Variants in DCC observed in about 807,000 individuals in gnomAD.
DCC encodes the protein DCC netrin 1 receptor.
DCC carries 58 observed loss-of-function variants against 172.5 expected under a neutral mutation model. The ratio of observed to expected loss-of-function variants is 0.34; its 90% CI spans 0.27 to 0.42. The LOEUF (loss-of-function observed/expected upper bound fraction) is 0.42. DCC is among the 10% of genes least tolerant of loss of function. The pLI, the probability that DCC is intolerant of heterozygous loss-of-function variation, is 1.00. For synonymous variants in DCC, 709 were observed against 644.5 expected (o/e 1.10, Z -1.52); for missense variants, 1,740 against 1,791.0 (o/e 0.97, Z 0.51).
chr18:53,358,057 AT>A (rs1396587515), intron 15 of DCC, among the ~76,000 whole-genome samples: 1 of 152,038 alleles, frequency 6.6e-6, no homozygotes, highest in African/African-American at 2.4e-5. Context: ...AATGCTTCTT[AT>A]TTATGTTGTT....
chr18:53,457,810 T>C (rs2045501959), intron 23 of DCC, among the ~76,000 whole-genome samples: 1 of 152,136 alleles, frequency 6.6e-6, no homozygotes, highest in Non-Finnish European at 1.5e-5. Flanking sequence ...AAAGTGCAGG[T>C]AGTGTTATTT....
chr18:53,163,418 A>G (rs1398330738), intron 8 of DCC, among the ~76,000 whole-genome samples: 1 of 152,240 alleles, frequency 6.6e-6, no homozygotes, highest in Non-Finnish European at 1.5e-5. Flanking sequence ...AACTAGAGCC[A>G]TAAAATATGC....
rs187238894 is a variant in DCC at position 52,370,085 on chromosome 18, A to C, written c.91+29207A>C. 5.7e-3 allele frequency among the ~76,000 whole-genome samples: 867 copies of C among 151,948 alleles called. 5 individuals are homozygous for C. The highest frequency in any genetic ancestry group is 9.8e-3 in the Non-Finnish European group (664 of 67,992). The stretch of plus-strand genomic sequence containing the variant: ...AGCATTTCATTTTCTCTGCAACCTC[A>C]CCAGCATCTGTTGTTTCTTGATTTT... On this transcript the variant is annotated intron_variant, in intron 1 of 28. Coordinates refer to ENST00000442544, the MANE Select transcript of DCC (RefSeq NM_005215.4).
In DCC at chr18:53,343,624, A is replaced by G. The variant is rs188337661; in HGVS notation, c.2359+3717A>G. On this transcript the variant is annotated intron_variant, in intron 15 of 28. Transcript: ENST00000442544. The stretch of plus-strand genomic sequence containing the variant: ...TATTTGTCTACAATTTTCTTTTCCT[A>G]TAGTGTCTATATACTGTTTCTCTTT... 1.3e-3 allele frequency among the ~76,000 whole-genome samples: 193 copies of G among 151,986 alleles called. 2 individuals carry two copies. Among genetic ancestry groups the G allele is most frequent in the Non-Finnish European group, 4.0e-4 (27 of 67,856 alleles).
intron 23 of DCC, among the ~76,000 whole-genome samples, chr18:53,456,859 C>T (rs2045489365): frequency 1.3e-5 from 2 of 152,286 alleles, no homozygotes; most frequent in African/African-American, 2.4e-5. Flanking sequence ...CAGGGTGACA[C>T]CTGTTCCTAT....
chr18:53,528,811 C>G (rs936870148), intron 28 of DCC, among the ~76,000 whole-genome samples: 2 of 151,746 alleles, frequency 1.3e-5, no homozygotes, highest in African/African-American at 4.8e-5. Flanking sequence ...TTGTACTGTT[C>G]CAAAACTGGT....
At chr18:52,746,379 G>A (rs927565520) in intron 1 of DCC, among the ~76,000 whole-genome samples, 1 of 152,064 alleles carries the variant, frequency 6.6e-6, no homozygotes, top group African/African-American at 2.4e-5. Flanking sequence ...AATCTTGTAG[G>A]AGCTTTTTTC....
chr18:52,917,398 A>G (rs1309687570), intron 3 of DCC, among the ~76,000 whole-genome samples: 3 of 152,178 alleles, frequency 2.0e-5, no homozygotes, highest in African/African-American at 7.2e-5. Context: ...ATTTGTTGCT[A>G]TATCCTGTAT....
intron 1 of DCC, among the ~76,000 whole-genome samples, chr18:52,519,223 C>T (rs1438902390): frequency 6.6e-5 from 10 of 152,148 alleles, no homozygotes; most frequent in Non-Finnish European, 1.5e-4. Flanking sequence ...CTTTCTGAAG[C>T]TCAGTTTACA....
At chr18:52,659,203 A>C (rs2035311995) in intron 1 of DCC, among the ~76,000 whole-genome samples, 1 of 152,198 alleles carries the variant, frequency 6.6e-6, no homozygotes, top group African/African-American at 2.4e-5. Context: ...TACTAGATTT[A>C]TCCATGATGT....
intron 2 of DCC, among the ~76,000 whole-genome samples, chr18:52,857,268 T>C (rs2039070006): frequency 1.3e-5 from 2 of 152,248 alleles, no homozygotes; most frequent in South Asian, 4.1e-4. Flanking sequence ...GGTAACATTT[T>C]GCTATCCTTG....
At chr18:52,504,668 A>G (rs948364651) in intron 1 of DCC, among the ~76,000 whole-genome samples, 10 of 152,092 alleles carry the variant, frequency 6.6e-5, no homozygotes, top group African/African-American at 2.4e-4. Context: ...CAGAAGTGGG[A>G]TATCTCAAAA....
intron 23 of DCC, among the ~76,000 whole-genome samples, chr18:53,453,061 G>A (rs1454161181): frequency 1.3e-5 from 2 of 151,936 alleles, no homozygotes; most frequent in African/African-American, 2.4e-5. Flanking sequence ...GACTACAGGT[G>A]CCCGCCACCA....
chr18:53,236,592 G>A (rs957228482), intron 12 of DCC, among the ~76,000 whole-genome samples: 2 of 152,014 alleles, frequency 1.3e-5, no homozygotes, highest in African/African-American at 2.4e-5. Context: ...CTTTTGATGA[G>A]CAGATGCTGT....
intron 8 of DCC, among the ~76,000 whole-genome samples, chr18:53,173,295 T>C (rs1317420844): frequency 1.3e-5 from 2 of 152,138 alleles, no homozygotes; most frequent in Non-Finnish European, 2.9e-5. Flanking sequence ...TTCCAGAAAC[T>C]TCATACTGCA....
chr18:52,975,987 C>T (rs116732532), intron 5 of DCC, among the ~76,000 whole-genome samples: 5,362 of 152,214 alleles, frequency 0.035, 127 homozygotes, highest in African/African-American at 0.054. Context: ...AGTGTGTAAA[C>T]ATTCCTTTTT....
At chr18:52,902,595 GC>G (rs1298652692) in intron 2 of DCC, among the ~76,000 whole-genome samples, 1 of 152,122 alleles carries the variant, frequency 6.6e-6, no homozygotes, top group Admixed American at 6.6e-5. Flanking sequence ...TCATACGTAT[GC>G]GTTATAGTGA....
At chr18:52,671,257 C>T (rs959384927) in intron 1 of DCC, among the ~76,000 whole-genome samples, 12 of 152,264 alleles carry the variant, frequency 7.9e-5, no homozygotes, top group East Asian at 3.9e-4. Context: ...AAGGAACTCA[C>T]GGTCACCAAT....
chr18:53,300,090 A>G (rs1006445334), intron 12 of DCC, among the ~76,000 whole-genome samples: 2 of 152,334 alleles, frequency 1.3e-5, no homozygotes, highest in Admixed American at 1.3e-4. Context: ...AATATATTCT[A>G]CCAACTTAAT....
Sources: allele counts gnomAD v4.1 joint callset (sites outside exome capture counted in the v4.1 genomes callset), GRCh38; gene constraint gnomAD v4.1.1; transcripts MANE v1.5; gene names NCBI Gene and HGNC (gene_info 2026-07-23, HGNC 2026-07-21).